CDH13: variants seen among roughly 807,000 people sequenced by gnomAD.
The protein encoded by CDH13 is cadherin-13.
CDH13 carries 24 observed loss-of-function variants against 63.8 expected under a neutral mutation model. That is an observed-to-expected ratio of 0.38 (90% CI 0.27 to 0.53). CDH13 has a LOEUF of 0.53. Ranked by LOEUF, CDH13 falls within the 20% of genes least tolerant of loss-of-function variation. CDH13 has a pLI of 0.85. For missense variants in CDH13, 1,049 were observed against 903.1 expected (o/e 1.16, Z -2.07); for synonymous variants, 503 against 355.3 (o/e 1.42, Z -4.67).
chr16:82,882,709 A>G (rs2040749893), intron 2 of CDH13, among the ~76,000 whole-genome samples: 1 of 151,986 alleles, frequency 6.6e-6, no homozygotes, highest in South Asian at 2.1e-4. Flanking sequence ...AGAAAAAACA[A>G]ACCTAACAGT....
chr16:83,105,771 C>A (rs560670117), intron 3 of CDH13, among the ~76,000 whole-genome samples: 19 of 152,250 alleles, frequency 1.2e-4, no homozygotes, highest in South Asian at 6.2e-4. Flanking sequence ...AAGAATGACG[C>A]ACATAATGTA....
chr16:83,670,799 A>G lies in CDH13; in HGVS notation c.1111A>G (p.Thr371Ala). The change falls in exon 9 of 14, where the codon ACA becomes GCA. Residue 371 changes from threonine to alanine, a missense_variant. Transcript: ENST00000567109. ...PKFTKKEFQA[T>A]VEEGAVGVIV... is the part of the protein sequence containing the mutation. ...TCTGCTTTGTTTGCAGTTTCAAGCC[A>G]CAGTCGAGGAAGGAGCTGTGGGAGT... 6.2e-7 allele frequency: 1 copy of G among 1,613,978 alleles called. No individual in the cohort carries two copies. The highest frequency in any genetic ancestry group is 8.5e-7 in the Non-Finnish European group (1 of 1,179,852).
At chr16:82,839,602 A>G (rs1199078529) in intron 1 of CDH13, among the ~76,000 whole-genome samples, 2 of 152,050 alleles carry the variant, frequency 1.3e-5, no homozygotes, top group South Asian at 2.1e-4. Context: ...AGTACCCCCA[A>G]CTTGGATAAC....
intron 11 of CDH13, among the ~76,000 whole-genome samples, chr16:83,760,197 G>A (rs1229989630): frequency 6.6e-6 from 1 of 152,156 alleles, no homozygotes; most frequent in African/African-American, 2.4e-5. Flanking sequence ...GAAATGAAAA[G>A]ATGAAAAATA....
intron 5 of CDH13, among the ~76,000 whole-genome samples, chr16:83,343,899 G>C (rs370310639): frequency 6.6e-6 from 1 of 152,272 alleles, no homozygotes; most frequent in East Asian, 1.9e-4. Context: ...ATATAGTATA[G>C]AGCTAAAGTA....
chr16:82,922,906 CA>C (rs2042199323), intron 2 of CDH13, among the ~76,000 whole-genome samples: 1 of 152,124 alleles, frequency 6.6e-6, no homozygotes, highest in Non-Finnish European at 1.5e-5. Context: ...TGATTCCAGA[CA>C]ACGGCAATCA....
intron 1 of CDH13, among the ~76,000 whole-genome samples, chr16:82,830,758 A>G (rs1170825384): frequency 1.3e-5 from 2 of 152,230 alleles, no homozygotes; most frequent in Non-Finnish European, 2.9e-5. Flanking sequence ...TTATGCATAA[A>G]AGAAGGCCAG....
At chr16:83,434,984 A>ATATATATAT (rs1567670701) in intron 6 of CDH13, among the ~76,000 whole-genome samples, 1 of 144,200 alleles carries the variant, frequency 6.9e-6, no homozygotes, top group Non-Finnish European at 1.5e-5. Context: ...TAAATAAATA[A>ATATATATAT]ATATATATAT....
intron 7 of CDH13, among the ~76,000 whole-genome samples, chr16:83,580,118 A>G (rs1226258580): frequency 1.3e-5 from 2 of 152,158 alleles, no homozygotes; most frequent in African/African-American, 4.8e-5. Context: ...CCAAGGGCCT[A>G]TGGTGCTGTC....
chr16:83,285,011 C>G (rs1262202169), intron 5 of CDH13, among the ~76,000 whole-genome samples: 1 of 152,144 alleles, frequency 6.6e-6, no homozygotes, highest in Non-Finnish European at 1.5e-5. Context: ...AATGTTAACT[C>G]TGGTTCAGAC....
chr16:83,394,905 T>C (rs2091856449), intron 6 of CDH13, among the ~76,000 whole-genome samples: 1 of 152,138 alleles, frequency 6.6e-6, no homozygotes, highest in Non-Finnish European at 1.5e-5. Flanking sequence ...CCCAACACTC[T>C]GGGAGGCCAA....
At chr16:83,453,870 C>A (rs117069656) in intron 6 of CDH13, among the ~76,000 whole-genome samples, 1 of 152,216 alleles carries the variant, frequency 6.6e-6, no homozygotes, top group African/African-American at 2.4e-5. Flanking sequence ...AATGACCCTG[C>A]CTTTGTAGTC....
At chr16:83,279,296 C>T (rs186808108) in intron 5 of CDH13, among the ~76,000 whole-genome samples, 1 of 151,970 alleles carries the variant, frequency 6.6e-6, no homozygotes, top group African/African-American at 2.4e-5. Context: ...ATTTCATCCC[C>T]GAGGATTTGT....
intron 1 of CDH13, among the ~76,000 whole-genome samples, chr16:82,856,259 C>A (rs1036621266): frequency 6.6e-6 from 1 of 151,370 alleles, no homozygotes; most frequent in Non-Finnish European, 1.5e-5. Context: ...GCCTGTAGTC[C>A]CACTTACTCG....
intron 10 of CDH13, among the ~76,000 whole-genome samples, chr16:83,679,996 G>C (rs1027366899): frequency 6.6e-6 from 1 of 152,166 alleles, no homozygotes; most frequent in African/African-American, 2.4e-5. Flanking sequence ...CAGTGGGAGA[G>C]GAAGGTCAGG....
chr16:82,691,169 C>G (rs964831139), intron 1 of CDH13, among the ~76,000 whole-genome samples: 1 of 152,178 alleles, frequency 6.6e-6, no homozygotes, highest in African/African-American at 2.4e-5. Context: ...TTCAGGGACC[C>G]TCGTGGAGGT....
At chr16:83,360,248 T>A (rs2091136606) in intron 6 of CDH13, among the ~76,000 whole-genome samples, 1 of 152,228 alleles carries the variant, frequency 6.6e-6, no homozygotes, top group African/African-American at 2.4e-5. Context: ...ATGCAAATTC[T>A]GAATTATCTG....
intron 4 of CDH13, among the ~76,000 whole-genome samples, chr16:83,203,813 CA>C (rs2039103097): frequency 6.6e-6 from 1 of 151,976 alleles, no homozygotes; most frequent in African/African-American, 2.4e-5. Flanking sequence ...TGAAGTTTGG[CA>C]AGTTAGCAAG....
At chr16:82,960,886 A>C (rs1439592329) in intron 2 of CDH13, among the ~76,000 whole-genome samples, 2 of 152,174 alleles carry the variant, frequency 1.3e-5, no homozygotes, top group Non-Finnish European at 2.9e-5. Context: ...ATGCCATACA[A>C]ATCTTTTTTA....
Sources: gnomAD v4.1 joint callset for allele counts (sites outside exome capture counted in the v4.1 genomes callset) on GRCh38, gnomAD v4.1.1 for gene constraint, MANE v1.5 for transcripts, NCBI Gene and HGNC (gene_info 2026-07-23, HGNC 2026-07-21) for gene names.